The following ASIC2 variants were observed in gnomAD, a reference collection of about 807,000 sequenced individuals.
The protein encoded by ASIC2 is acid-sensing ion channel 2.
ASIC2 carries 25 observed loss-of-function variants against 57.3 expected under a neutral mutation model. The ratio of observed to expected loss-of-function variants is 0.44; its 90% CI spans 0.32 to 0.61. ASIC2 has a LOEUF of 0.61. Ranked by LOEUF, ASIC2 falls within the 20% of genes least tolerant of loss-of-function variation. The pLI is 0.06. For missense variants in ASIC2, 641 were observed against 738.1 expected (o/e 0.87, Z 1.52); for synonymous variants, 319 against 307.5 (o/e 1.04, Z -0.39).
chr17:33,649,372 A>T (rs1335107288), intron 1 of ASIC2, among the ~76,000 whole-genome samples: 2 of 152,220 alleles, frequency 1.3e-5, no homozygotes, highest in Non-Finnish European at 2.9e-5. Context: ...TCAAAACTAC[A>T]CATGCTGATG....
At chr17:33,234,951 G>A (rs569776684) in intron 1 of ASIC2, among the ~76,000 whole-genome samples, 1 of 152,314 alleles carries the variant, frequency 6.6e-6, no homozygotes, top group East Asian at 1.9e-4. Flanking sequence ...TCCCCTGTGG[G>A]ATCTGGCTGA....
chr17:33,627,438 C>T (rs144549516), intron 1 of ASIC2, among the ~76,000 whole-genome samples: 240 of 152,314 alleles, frequency 1.6e-3, no homozygotes, highest in African/African-American at 5.3e-3. Flanking sequence ...GGCCTGCAGG[C>T]GTACAGAGGC....
chr17:33,790,702 C>A (rs1316052547), intron 1 of ASIC2, among the ~76,000 whole-genome samples: 1 of 152,080 alleles, frequency 6.6e-6, no homozygotes, highest in Non-Finnish European at 1.5e-5. Context: ...ACACACACAT[C>A]TCAGATATAC....
At chr17:33,577,029 C>G (rs1916645888) in intron 1 of ASIC2, among the ~76,000 whole-genome samples, 2 of 152,216 alleles carry the variant, frequency 1.3e-5, no homozygotes, top group South Asian at 4.1e-4. Context: ...TGTATGACCT[C>G]TTTGTTGACT....
At chr17:33,879,109 A>G (rs1914630133) in intron 1 of ASIC2, among the ~76,000 whole-genome samples, 1 of 152,208 alleles carries the variant, frequency 6.6e-6, no homozygotes, top group African/African-American at 2.4e-5. Flanking sequence ...TGAAGGAAGC[A>G]CTAAACATGG....
At chr17:33,323,205 A>G (rs12450841) in intron 1 of ASIC2, among the ~76,000 whole-genome samples, 35,799 of 152,170 alleles carry the variant, frequency 0.24, 4,795 homozygotes, top group Middle Eastern at 0.36. Flanking sequence ...AAGTGGATGC[A>G]TATGTTCACC....
chr17:33,835,482 C>A (rs1453640920), intron 1 of ASIC2, among the ~76,000 whole-genome samples: 1 of 151,820 alleles, frequency 6.6e-6, no homozygotes, highest in Non-Finnish European at 1.5e-5. Flanking sequence ...TTTACTCCCT[C>A]CTCCTCTCAC....
chr17:33,737,550 G>C (rs924220069), intron 1 of ASIC2, among the ~76,000 whole-genome samples: 1 of 149,542 alleles, frequency 6.7e-6, no homozygotes, highest in African/African-American at 2.5e-5. Context: ...ACCGCTTATA[G>C]GTTTATTTAA....
At chr17:33,143,189 T>C (rs929830231) in intron 1 of ASIC2, among the ~76,000 whole-genome samples, 5 of 152,186 alleles carry the variant, frequency 3.3e-5, no homozygotes, top group Non-Finnish European at 5.9e-5. Context: ...TCTTAGATCA[T>C]GGATGCTAGC....
chr17:33,207,883 ATGGTGCCAAC>A (rs1250019646), intron 1 of ASIC2, among the ~76,000 whole-genome samples: 1 of 152,166 alleles, frequency 6.6e-6, no homozygotes, highest in African/African-American at 2.4e-5. Flanking sequence ...CCAATGGCCC[ATGGTGCCAAC>A]TTGATTAATA....
chr17:33,508,691 G>A (rs1417085559), intron 1 of ASIC2, among the ~76,000 whole-genome samples: 1 of 152,236 alleles, frequency 6.6e-6, no homozygotes, highest in African/African-American at 2.4e-5. Context: ...GGAGCTTGAA[G>A]AGCATTTACT....
At chr17:33,181,265 A>T (rs1905973748) in intron 1 of ASIC2, among the ~76,000 whole-genome samples, 1 of 152,182 alleles carries the variant, frequency 6.6e-6, no homozygotes, top group Non-Finnish European at 1.5e-5. Flanking sequence ...TAAGGATAAA[A>T]CTAATAGCAA....
intron 1 of ASIC2, among the ~76,000 whole-genome samples, chr17:33,925,021 A>G (rs2141967613): frequency 6.6e-6 from 1 of 152,366 alleles, no homozygotes; most frequent in South Asian, 2.1e-4. Context: ...TCAGCTGAGC[A>G]GAAGAACTCA....
chr17:33,557,784 A>T (rs1485480527), intron 1 of ASIC2, among the ~76,000 whole-genome samples: 2 of 152,196 alleles, frequency 1.3e-5, no homozygotes, highest in South Asian at 4.1e-4. Context: ...TCATCACTAT[A>T]TTATACTAAA....
chr17:33,333,888 C>T (rs1013576588), intron 1 of ASIC2, among the ~76,000 whole-genome samples: 1 of 152,204 alleles, frequency 6.6e-6, no homozygotes, highest in Non-Finnish European at 1.5e-5. Context: ...TTTGGAAAGT[C>T]TTTCCCCAGA....
At chr17:33,589,486 A>C (rs1904758076) in intron 1 of ASIC2, among the ~76,000 whole-genome samples, 1 of 152,118 alleles carries the variant, frequency 6.6e-6, no homozygotes, top group Non-Finnish European at 1.5e-5. Flanking sequence ...ATCATCCCAG[A>C]CAGAAACCCT....
chr17:33,448,049 T>TAATAAAATAAAATAA lies in ASIC2; in HGVS notation c.556-335997_556-335983dup, dbSNP rs67408111. On this transcript the variant is annotated intron_variant, in intron 1 of 9. Transcript: ENST00000359872. The stretch of plus-strand genomic sequence containing the variant: ...CTGAAAGCATGTACATCTTTATGCA[T>TAATAAAATAAAATAA]AATAAAATAAAATAAAATAAAATAA... Among the ~76,000 whole-genome samples the TAATAAAATAAAATAA allele has an allele frequency of 3.9e-3, 553 of 140,024 alleles. 3 individuals carry two copies. The highest frequency in any genetic ancestry group is 0.011 in the Middle Eastern group (3 of 282). The allele number at this position is 140,024 out of a possible 152,430, so 91.9% of individuals were successfully genotyped here.
intron 1 of ASIC2, among the ~76,000 whole-genome samples, chr17:33,735,668 A>C (rs1909890025): frequency 6.6e-6 from 1 of 152,114 alleles, no homozygotes; most frequent in Admixed American, 6.5e-5. Context: ...AAGCCCCATC[A>C]GAGAGCCAAA....
intron 1 of ASIC2, among the ~76,000 whole-genome samples, chr17:33,812,127 A>C (rs1267986813): frequency 6.6e-6 from 1 of 152,116 alleles, no homozygotes; most frequent in Non-Finnish European, 1.5e-5. Context: ...AAATATTAAC[A>C]GATGGGTTTT....
Sources: allele counts gnomAD v4.1 joint callset (sites outside exome capture counted in the v4.1 genomes callset), GRCh38; gene constraint gnomAD v4.1.1; transcripts MANE v1.5; gene names NCBI Gene and HGNC (gene_info 2026-07-23, HGNC 2026-07-21).